The following D2HGDH variants were observed in gnomAD, a reference collection of about 807,000 sequenced individuals.
The protein encoded by D2HGDH is D-2-hydroxyglutarate dehydrogenase, mitochondrial.
Under a neutral mutation model 46.9 loss-of-function variants are expected in D2HGDH, and 31 were observed. That is an observed-to-expected ratio of 0.66 (90% confidence interval 0.50 to 0.89). The LOEUF (loss-of-function observed/expected upper bound fraction) is 0.89, where lower values mean the gene tolerates loss of function less well. Among genes scored for constraint, D2HGDH ranks in the 40% least tolerant of loss-of-function variants. The pLI, the probability that D2HGDH is intolerant of heterozygous loss-of-function variation, is 0.00. For missense variants in D2HGDH, 698 were observed against 720.8 expected, an observed-to-expected ratio of 0.97 and a Z score of 0.36; for synonymous variants, 364 against 332.6, an observed-to-expected ratio of 1.09 and a Z score of -1.03.
chr2:241,740,958 C>T (rs1385921257), intron 2 of D2HGDH, 75 bp from the exon 3 acceptor site: 3 of 1,279,156 alleles, frequency 2.3e-6, no homozygotes, highest in South Asian at 1.2e-5. Context: ...AAAACTCGCT[C>T]TCTGGGGCGA....
At chr2:241,763,545 C>T (rs1213140629) in intron 9 of D2HGDH, among the ~76,000 whole-genome samples, 1 of 152,170 alleles carries the variant, frequency 6.6e-6, no homozygotes, top group Non-Finnish European at 1.5e-5. Context: ...CCGTACTCTA[C>T]TCTAGACTTT....
At position 241,742,860 on chromosome 2, in the gene D2HGDH, T is replaced by C. The variant is rs149777298; in HGVS notation, c.490+286T>C. Among the ~76,000 whole-genome samples, 2,269 of 134,584 alleles carry C rather than the reference T, an allele frequency of 0.017. 25 individuals carry two copies. The highest frequency in any genetic ancestry group is 0.063 in the East Asian group (293 of 4,672). 88.3% of individuals were successfully genotyped at this position (134,584 alleles called of 152,430 possible). A position where few individuals can be genotyped will look rare whatever the true frequency, so the allele number is the denominator to read the frequency against. On this transcript the variant is annotated intron_variant, in intron 4 of 9. Coordinates refer to ENST00000321264, the MANE Select transcript of D2HGDH (RefSeq NM_152783.5). This position sits in a 1 kb window ranked among gnomAD's most constrained non-coding sequence, Gnocchi z 4.8. ...TGTGTGAGGGGATCCTGACCCAGGG[T>C]GCCAGGGCGTGGCAGGCATGAGGGG...
rs1195255368 is a variant in D2HGDH, at chr2:241,743,619, C to T, written c.491-3C>T. The T allele has an allele frequency of 6.2e-7, 1 of 1,612,632 alleles. No homozygotes were observed. The highest frequency in any genetic ancestry group is 1.7e-5 in the Admixed American group (1 of 59,932). On this transcript the variant is annotated splice_polypyrimidine_tract_variant and splice_region_variant and intron_variant, in intron 4 of 9. Transcript: ENST00000321264. The surrounding 1 kb of genome is among the most constrained non-coding windows in gnomAD (Gnocchi z 4.8). ...GCTGCGGCAGCCTGGTCACTCTCTG[C>T]AGGAATTCTGGTTTGCCAGGCGGGC...
chr2:241,740,204 A>G (rs972191134), intron 2 of D2HGDH, among the ~76,000 whole-genome samples: 19 of 152,218 alleles, frequency 1.2e-4, no homozygotes, highest in African/African-American at 2.9e-4. Flanking sequence ...CCAGTTGGCA[A>G]CCATCCTAGT....
In D2HGDH at chr2:241,755,733, G is replaced by A. The variant is rs138753600; in HGVS notation, c.1141-116G>A. ...GGGGCATTTGCTGTCCGGGGTCGGA[G>A]CCTCACCTGGTGAAGATACAGAACA... On this transcript the variant is annotated intron_variant, in intron 8 of 9. Transcript: ENST00000321264. The A allele has an allele frequency of 1.6e-5, 25 of 1,594,818 alleles. No homozygotes were observed. The African/African-American group carries it at 2.8e-4, about 18-fold the overall frequency.
At chr2:241,749,039 G>C in intron 6 of D2HGDH, 8 of 1,000,590 alleles carry the variant, frequency 8.0e-6, no homozygotes, top group Non-Finnish European at 9.5e-6. Context: ...CCTCGTGCTC[G>C]TGGGCTCGGT....
At chr2:241,749,670 A>G in intron 6 of D2HGDH, 2 of 323,944 alleles carry the variant, frequency 6.2e-6, no homozygotes, top group Non-Finnish European at 6.0e-6. Flanking sequence ...TTCCCAAGAT[A>G]CGCCCCCTCT....
rs377458254 is a variant in D2HGDH at position 241,743,572 on chromosome 2, G to C, written c.491-50G>C. On this transcript the variant is annotated intron_variant, in intron 4 of 9. Transcript: ENST00000321264. The surrounding 1 kb of genome is among the most constrained non-coding windows in gnomAD (Gnocchi z 4.8). Reference sequence around the variant, plus strand: ...GATGGGGGTTGGGACTCACCAGCCCGGGGGCCCACTGGAAGCCAAGTGCTG... The same window carrying C: ...GATGGGGGTTGGGACTCACCAGCCCCGGGGCCCACTGGAAGCCAAGTGCTG... The C allele has an allele frequency of 9.5e-6, 15 of 1,585,544 alleles. No homozygotes were observed. The South Asian group carries it at 1.5e-4, about 16-fold the overall frequency.
chr2:241,742,535 G>A lies in D2HGDH; in HGVS notation c.451G>A (p.Ala151Thr), dbSNP rs761620958. The A allele has an allele frequency of 5.0e-6, 8 of 1,614,016 alleles. No individual in the cohort carries two copies. Among genetic ancestry groups the A allele is most frequent in the Non-Finnish European group, 6.8e-6 (8 of 1,180,026 alleles). The change falls in exon 4 of 10, where the codon GCC (alanine) becomes ACC (threonine). Residue 151 changes from alanine to threonine, a missense_variant. Coordinates refer to ENST00000321264, the MANE Select transcript of D2HGDH (RefSeq NM_152783.5). The surrounding 1 kb of genome is among the most constrained non-coding windows in gnomAD (Gnocchi z 4.8). The stretch of plus-strand genomic sequence containing the variant: ...CTTTGACGAGATCATCCTCTCCACT[G>A]CCCGCATGAACCGGGTCCTCAGCTT... The part of the protein sequence containing the change: ...PVFDEIILST[A>T]RMNRVLSFHS...
intron 6 of D2HGDH, among the ~76,000 whole-genome samples, chr2:241,748,643 C>T (rs1346659782): frequency 6.6e-6 from 1 of 152,232 alleles, no homozygotes; most frequent in Admixed American, 6.5e-5. Context: ...TCGCCCATTG[C>T]CTCCGGCACA....
At chr2:241,744,932 C>T in intron 6 of D2HGDH, 55 bp downstream of exon 6, 1 of 1,608,576 alleles carries the variant, frequency 6.2e-7, no homozygotes, top group Non-Finnish European at 8.5e-7. Context: ...AGCGTCTGCT[C>T]TGATGGTGCC....
chr2:241,752,049 A>ACT (rs1697337385), intron 8 of D2HGDH, among the ~76,000 whole-genome samples: 3 of 144,230 alleles, frequency 2.1e-5, no homozygotes, highest in Admixed American at 6.8e-5. Context: ...AGGAGCCCTC[A>ACT]GTTACCTTCA....
At chr2:241,736,602 C>A (rs1438576148) in intron 2 of D2HGDH, among the ~76,000 whole-genome samples, 1 of 152,102 alleles carries the variant, frequency 6.6e-6, no homozygotes, top group Non-Finnish European at 1.5e-5. Context: ...GATTGAGGGC[C>A]CACCCTAATC....
intron 2 of D2HGDH, 39 bp downstream of exon 2, chr2:241,735,555 C>T (rs1215505082): frequency 1.3e-6 from 2 of 1,596,158 alleles, no homozygotes; most frequent in Non-Finnish European, 1.7e-6. Context: ...TTCCGCGTCC[C>T]TGCTCCGCTG....
At chr2:241,751,536 C>G in intron 8 of D2HGDH, 148 bp downstream of exon 8, 2 of 1,264,992 alleles carry the variant, frequency 1.6e-6, no homozygotes, top group East Asian at 2.5e-5. Context: ...AGAGAGTAGC[C>G]TCTTTGGATG....
intron 9 of D2HGDH, among the ~76,000 whole-genome samples, chr2:241,756,640 G>C (rs1698215097): frequency 6.6e-6 from 1 of 152,156 alleles, no homozygotes; most frequent in African/African-American, 2.4e-5. Context: ...TCCTGCCCCA[G>C]CCTCCCGAGT....
chr2:241,763,177 G>T (rs1698986557), intron 9 of D2HGDH, among the ~76,000 whole-genome samples: 1 of 152,216 alleles, frequency 6.6e-6, no homozygotes. Context: ...TGAATGATGG[G>T]GATGCGTCCT....
intron 6 of D2HGDH, among the ~76,000 whole-genome samples, chr2:241,747,248 CTG>C (rs1696098575): frequency 6.6e-6 from 1 of 152,122 alleles, no homozygotes; most frequent in East Asian, 1.9e-4. Context: ...TTTTTAGTGT[CTG>C]TTGTTTCTGC....
Position 241,755,690 on chromosome 2 carries a change from T to C in D2HGDH, c.1141-159T>C, listed in dbSNP as rs547179928. 148 of 1,555,694 alleles carry C rather than the reference T, an allele frequency of 9.5e-5. No homozygotes were observed. In the African/African-American group the frequency reaches 1.5e-3, roughly 16 times the overall value. On this transcript the variant is annotated intron_variant, in intron 8 of 9. Coordinates refer to ENST00000321264, the MANE Select transcript of D2HGDH (RefSeq NM_152783.5). Reference sequence around the variant, plus strand: ...GTCTGGGACATTCGCTGTCTGGGGTTGGAGCCACACCTGGTCTGGGGCATT... The same window carrying C: ...GTCTGGGACATTCGCTGTCTGGGGTCGGAGCCACACCTGGTCTGGGGCATT...
Sources: allele counts gnomAD v4.1 joint callset (sites outside exome capture counted in the v4.1 genomes callset), GRCh38; gene constraint gnomAD v4.1.1; non-coding constraint Gnocchi (gnomAD v3.1); transcripts MANE v1.5; gene names NCBI Gene and HGNC (gene_info 2026-07-23, HGNC 2026-07-21).